Variants in SOX6 observed in about 807,000 individuals in gnomAD.
The protein encoded by SOX6 is SRY-box transcription factor 6, also known as transcription factor SOX-6.
Under a neutral mutation model 97.8 loss-of-function variants are expected in SOX6, and 11 were observed. The observed-to-expected ratio is 0.11, with a 90% CI of 0.07 to 0.19. SOX6 has a LOEUF of 0.19. Among genes scored for constraint, SOX6 ranks in the 10% least tolerant of loss-of-function variants. The pLI is 1.00. For missense variants in SOX6, 810 were observed against 1,039.5 expected, an observed-to-expected ratio of 0.78 and a Z score of 3.04; for synonymous variants, 360 against 371.4, an observed-to-expected ratio of 0.97 and a Z score of 0.35.
intron 1 of SOX6, among the ~76,000 whole-genome samples, chr11:16,363,777 A>T (rs1857270427): frequency 6.6e-6 from 1 of 151,222 alleles, no homozygotes; most frequent in Admixed American, 6.6e-5. Context: ...GGCATCAAGA[A>T]ATAAGATTTG....
rs1848318598 is a variant in SOX6 at position 16,605,083 on chromosome 11, G to C, written n.609+6998C>G. 6.6e-6 allele frequency among the ~76,000 whole-genome samples: 1 copy of C among 152,082 alleles called. No homozygotes were observed. The highest frequency in any genetic ancestry group is 2.1e-4 in the South Asian group (1 of 4,822). On this transcript the variant is annotated intron_variant and non_coding_transcript_variant, in intron 4 of 5. Transcript: ENST00000524520. This position sits in a 1 kb window ranked among gnomAD's most constrained non-coding sequence, Gnocchi z 5.3. ...GCTCCCGCGGGAGCGGCCGGGCTCG[G>C]GCTGGGTCCCGGGGCGGGTGGCAGC... is the stretch of plus-strand genomic sequence containing the variant.
chr11:16,201,552 C>G (rs1174770686), intron 4 of SOX6, among the ~76,000 whole-genome samples: 1 of 149,948 alleles, frequency 6.7e-6, no homozygotes, highest in Non-Finnish European at 1.5e-5. Context: ...TTAAAGTAAA[C>G]CTAACAATGT....
chr11:16,135,593 G>A (rs1849939927), intron 6 of SOX6, among the ~76,000 whole-genome samples: 2 of 152,198 alleles, frequency 1.3e-5, no homozygotes, highest in Non-Finnish European at 2.9e-5. Context: ...AGAATTAGAA[G>A]TGGAGCCTGA....
At chr11:16,403,828 T>G (rs1400004712) in intron 1 of SOX6, among the ~76,000 whole-genome samples, 2 of 151,618 alleles carry the variant, frequency 1.3e-5, no homozygotes, top group Non-Finnish European at 3.0e-5. Flanking sequence ...TTTCCCACTT[T>G]TGAACTTCTT....
intron 4 of SOX6, among the ~76,000 whole-genome samples, chr11:16,560,962 C>T (rs969833365): frequency 2.0e-5 from 3 of 151,876 alleles, no homozygotes; most frequent in African/African-American, 7.3e-5. Context: ...GTCTTTGGGG[C>T]TTGGGGGAAA....
intron 13 of SOX6, among the ~76,000 whole-genome samples, chr11:16,012,765 A>T (rs1041499090): frequency 6.6e-6 from 1 of 152,054 alleles, no homozygotes; most frequent in African/African-American, 2.4e-5. Context: ...AATTATTCTC[A>T]GCCTCAGTTT....
At chr11:16,055,647 T>C in intron 10 of SOX6, 105 bp downstream of exon 10, 1 of 1,419,672 alleles carries the variant, frequency 7.0e-7, no homozygotes, top group African/African-American at 1.4e-5. Flanking sequence ...GGTTGCTTTA[T>C]GTTGCTATGT....
intron 13 of SOX6, among the ~76,000 whole-genome samples, chr11:16,003,494 A>G (rs563197506): frequency 6.6e-6 from 1 of 152,162 alleles, no homozygotes; most frequent in African/African-American, 2.4e-5. Context: ...AGTTTTATGT[A>G]CTTACTTTCT....
At chr11:16,477,912 T>C (rs906317631), upstream of SOX6, among the ~76,000 whole-genome samples, 1 of 152,190 alleles carries the variant, frequency 6.6e-6, no homozygotes, top group African/African-American at 2.4e-5. Context: ...GCTAGCTCTG[T>C]CATTAATTGT....
intron 4 of SOX6, among the ~76,000 whole-genome samples, chr11:16,547,498 G>A (rs1847635060): frequency 6.6e-6 from 1 of 152,040 alleles, no homozygotes. Flanking sequence ...GTTGCAACAT[G>A]GATAGAACTT....
intron 4 of SOX6, among the ~76,000 whole-genome samples, chr11:16,199,749 T>A (rs1358066534): frequency 6.6e-6 from 1 of 152,138 alleles, no homozygotes; most frequent in Non-Finnish European, 1.5e-5. Flanking sequence ...AGGGAACTAG[T>A]CTCCATCAAC....
At chr11:16,494,812 C>T (rs186805788) in intron 4 of SOX6, among the ~76,000 whole-genome samples, 3 of 152,274 alleles carry the variant, frequency 2.0e-5, no homozygotes. Flanking sequence ...AACTCCTGCA[C>T]TCCTAATCAT....
intron 12 of SOX6, among the ~76,000 whole-genome samples, chr11:16,033,450 C>G (rs1855435697): frequency 6.6e-6 from 1 of 152,152 alleles, no homozygotes; most frequent in South Asian, 2.1e-4. Flanking sequence ...TCAAAGGCTC[C>G]TGTTCTTTAT....
intron 4 of SOX6, among the ~76,000 whole-genome samples, chr11:16,223,340 T>G (rs1427247722): frequency 6.6e-6 from 1 of 152,062 alleles, no homozygotes; most frequent in African/African-American, 2.4e-5. Flanking sequence ...TTTATCGAGA[T>G]AAGAAAATGC....
chr11:16,188,864 A>G (rs1851554629), intron 4 of SOX6, among the ~76,000 whole-genome samples: 1 of 152,050 alleles, frequency 6.6e-6, no homozygotes, highest in Admixed American at 6.6e-5. Flanking sequence ...GGAGTTCAAG[A>G]CCAGCCTGAC....
chr11:16,129,462 TACA>T (rs1849686867), intron 6 of SOX6, among the ~76,000 whole-genome samples: 1 of 152,174 alleles, frequency 6.6e-6, no homozygotes, highest in Admixed American at 6.5e-5. Context: ...CCTCAAAATA[TACA>T]GAGCTTTACA....
At chr11:16,044,080 G>A (rs1855755856) in intron 12 of SOX6, among the ~76,000 whole-genome samples, 1 of 152,024 alleles carries the variant, frequency 6.6e-6, no homozygotes, top group African/African-American at 2.4e-5. Context: ...TTATTTTTTA[G>A]AGATGGGGTC....
rs1028749075 is a variant in SOX6, at chr11:16,049,735, G to C, written c.1435+20C>G. ...TACCTAATTCGTAAGTCTCTTCCTGGTGTTGACTTTTCCATTTACCTAAAG... is the reference window on the plus strand; with the variant it reads ...TACCTAATTCGTAAGTCTCTTCCTGCTGTTGACTTTTCCATTTACCTAAAG... On this transcript the variant is annotated intron_variant, in intron 11 of 15. Coordinates refer to ENST00000683767, the MANE Select transcript of SOX6 (RefSeq NM_001367873.1). The C allele has an allele frequency of 2.5e-6, 4 of 1,612,716 alleles. No homozygotes were observed. The highest frequency in any genetic ancestry group is 3.4e-6 in the Non-Finnish European group (4 of 1,179,676).
At chr11:16,633,607 G>C (rs1848744099) in intron 3 of SOX6, among the ~76,000 whole-genome samples, 1 of 152,214 alleles carries the variant, frequency 6.6e-6, no homozygotes, top group Non-Finnish European at 1.5e-5. Context: ...ACCCAGAGCA[G>C]CATGGAACAG....
Sources: gnomAD v4.1 joint callset for allele counts (sites outside exome capture counted in the v4.1 genomes callset) on GRCh38, gnomAD v4.1.1 for gene constraint, Gnocchi (gnomAD v3.1) non-coding constraint, MANE v1.5 for transcripts, NCBI Gene and HGNC (gene_info 2026-07-23, HGNC 2026-07-21) for gene names.